Variants in SORBS2 observed in about 807,000 individuals in gnomAD.
SORBS2 encodes sorbin and SH3 domain containing 2.
In SORBS2, 46 loss-of-function variants were observed where a neutral mutation model predicts 97.7. That is an observed-to-expected ratio of 0.47 (90% confidence interval 0.37 to 0.60). SORBS2 has a LOEUF of 0.60. Among genes scored for constraint, SORBS2 ranks in the 20% least tolerant of loss-of-function variants. The pLI, the probability that SORBS2 is intolerant of heterozygous loss-of-function variation, is 0.00. For synonymous variants in SORBS2, 476 were observed against 473.4 expected, an observed-to-expected ratio of 1.01 and a Z score of -0.07; for missense variants, 1,316 against 1,282.3, an observed-to-expected ratio of 1.03 and a Z score of -0.40.
intron 2 of SORBS2, among the ~76,000 whole-genome samples, chr4:185,762,339 C>T (rs979039759): frequency 6.6e-6 from 1 of 152,068 alleles, no homozygotes; most frequent in African/African-American, 2.4e-5. Context: ...GGAATGTTCA[C>T]CAGCTTCTTG....
At position 185,623,892 on chromosome 4, in the gene SORBS2, GTGTGGGCAC is replaced by G. The variant is rs1561484020; in HGVS notation, c.1228_1236del (p.Val410_Thr412del). The G allele has an allele frequency of 7.4e-6, 12 of 1,614,164 alleles. No individual in the cohort carries two copies. Among genetic ancestry groups the G allele is most frequent in the Non-Finnish European group, 1.0e-5 (12 of 1,180,044 alleles). On this transcript the variant is annotated inframe_deletion, in exon 7 of 15. Transcript: ENST00000418609. This position sits in a 1 kb window ranked among gnomAD's most constrained non-coding sequence, Gnocchi z 6.4. ...ATCAGCTTTTCGAATTCGGAGATGC[GTGTGGGCAC>G]CATGTCCCGGGGCACCTCCTCCGTG...
rs775457907 is a variant in SORBS2, at chr4:185,614,984, C to A, written c.2467-25G>T. 3.1e-6 allele frequency: 5 copies of A among 1,614,118 alleles called. No homozygotes were observed. The Admixed American group carries it at 5.0e-5, about 16-fold the overall frequency. On this transcript the variant is annotated intron_variant, in intron 10 of 14. Coordinates refer to ENST00000418609, the Ensembl canonical transcript of SORBS2. ...TCTATGAAGGAAATAGTCATTTATT[C>A]TCAAATCTGCGGTGACCTTTGAAAC...
chr4:185,830,367 G>A (rs993630807), intron 1 of SORBS2, among the ~76,000 whole-genome samples: 2 of 152,220 alleles, frequency 1.3e-5, no homozygotes, highest in Non-Finnish European at 2.9e-5. Flanking sequence ...ACACATAGGT[G>A]CTGTGAGGTG....
Position 185,723,139 on chromosome 4 carries a change from T to TA in SORBS2, c.-197-44318dup, listed in dbSNP as rs111928879. On this transcript the variant is annotated intron_variant, in intron 2 of 20. Coordinates refer to the SORBS2 transcript ENST00000284776. ...AAAATTGTAATAAATCAATAACCAT[T>TA]AAAAAAAAATAAAATAAAATAAATC... is the stretch of plus-strand genomic sequence containing the variant. 3.8e-3 allele frequency among the ~76,000 whole-genome samples: 572 copies of TA among 150,204 alleles called. 1 individual carries two copies. Among genetic ancestry groups the TA allele is most frequent in the Non-Finnish European group, 4.7e-3 (320 of 67,474 alleles).
chr4:185,785,193 G>T (rs144989234), intron 1 of SORBS2, among the ~76,000 whole-genome samples: 32 of 146,514 alleles, frequency 2.2e-4, no homozygotes, highest in African/African-American at 7.5e-4. Context: ...GTTATTCAAG[G>T]CCATAAGGTA....
intron 2 of SORBS2, chr4:185,770,863 TTGAAA>T (rs2098966009): frequency 6.6e-6 from 1 of 152,162 alleles, no homozygotes; most frequent in Non-Finnish European, 1.5e-5. Context: ...TGAAGTCTTC[TTGAAA>T]TAAGATTTTT....
intron 4 of SORBS2, 94 bp downstream of exon 7, chr4:185,678,329 G>A (rs556189129): frequency 2.4e-5 from 25 of 1,031,284 alleles, no homozygotes; most frequent in Non-Finnish European, 3.1e-5. Flanking sequence ...AAAATAAAAC[G>A]TATTGAAATA....
intron 2 of SORBS2, among the ~76,000 whole-genome samples, chr4:185,739,812 A>C (rs1384009852): frequency 2.6e-5 from 4 of 152,204 alleles, no homozygotes; most frequent in African/African-American, 7.2e-5. Flanking sequence ...TCAAAGATTA[A>C]TGATACACTA....
rs1362739433 is a variant in SORBS2 at position 185,684,016 on chromosome 4, AACCAACCAACCC to A, written c.-197-5206_-197-5195del. The stretch of plus-strand genomic sequence containing the variant: ...ACTGCAGCTAACCAACCAGCCAACC[AACCAACCAACCC>A]ACCAACCAACCCATCACCAACAGGT... On this transcript the variant is annotated intron_variant, in intron 2 of 20. Transcript: ENST00000284776. This position sits in a 1 kb window ranked among gnomAD's most constrained non-coding sequence, Gnocchi z 4.2. Among the ~76,000 whole-genome samples, 2 of 151,996 alleles carry A rather than the reference AACCAACCAACCC, an allele frequency of 1.3e-5. No homozygotes were observed. Among genetic ancestry groups the A allele is most frequent in the South Asian group, 2.1e-4 (1 of 4,808 alleles).
rs2096427981 is a variant in SORBS2 at position 185,606,654 on chromosome 4, G to A, written c.2796+5126C>T. On this transcript the variant is annotated intron_variant, in intron 12 of 14. Transcript: ENST00000418609. The surrounding 1 kb of genome is among the most constrained non-coding windows in gnomAD (Gnocchi z 4.3). ...TAGGATCTGTGGGGGTGGCTATGGG[G>A]TGTTTTAGGCAGTTGGGTTTCTCCT... The A allele has an allele frequency of 1.0e-6, 1 of 985,160 alleles. No individual in the cohort carries two copies. The highest frequency in any genetic ancestry group is 4.7e-5 in the South Asian group (1 of 21,278). The allele number at this position is 985,160 out of a possible 1,614,324, so 61.0% of individuals were successfully genotyped here.
At chr4:185,673,110 G>A (rs568172121) in intron 4 of SORBS2, among the ~76,000 whole-genome samples, 1 of 152,326 alleles carries the variant, frequency 6.6e-6, no homozygotes, top group East Asian at 1.9e-4. Flanking sequence ...GTGAAGGCCT[G>A]TCTCAGAAGG....
chr4:185,919,758 T>C (rs2099260109), intron 1 of SORBS2, among the ~76,000 whole-genome samples: 1 of 152,242 alleles, frequency 6.6e-6, no homozygotes, highest in African/African-American at 2.4e-5. Flanking sequence ...TCACCGTTTA[T>C]CAGTAATCTC....
intron 1 of SORBS2, among the ~76,000 whole-genome samples, chr4:185,950,050 G>A (rs541131228): frequency 4.6e-5 from 7 of 152,220 alleles, no homozygotes; most frequent in South Asian, 4.2e-4. Context: ...TCAGGAGTTC[G>A]AAACCAGCCT....
chr4:185,714,685 T>G (rs182067488), intron 2 of SORBS2, among the ~76,000 whole-genome samples: 5 of 152,202 alleles, frequency 3.3e-5, no homozygotes, highest in Non-Finnish European at 7.3e-5. Context: ...AGCAAAGTCA[T>G]GTCTTCCATG....
intron 1 of SORBS2, among the ~76,000 whole-genome samples, chr4:185,828,915 G>T (rs896280039): frequency 6.6e-6 from 1 of 152,158 alleles, no homozygotes; most frequent in African/African-American, 2.4e-5. Context: ...TCCAAGTGTG[G>T]CTGGAATCTG....
intron 1 of SORBS2, among the ~76,000 whole-genome samples, chr4:185,849,290 C>T (rs2099216424): frequency 6.6e-6 from 1 of 152,156 alleles, no homozygotes; most frequent in South Asian, 2.1e-4. Flanking sequence ...AGAGCTTCCC[C>T]AAACCCACTG....
intron 2 of SORBS2, among the ~76,000 whole-genome samples, chr4:185,752,393 A>G (rs922342505): frequency 6.6e-6 from 1 of 152,130 alleles, no homozygotes; most frequent in Non-Finnish European, 1.5e-5. Flanking sequence ...CTCCTGCCTC[A>G]GCCTCCCGAG....
chr4:185,615,155 A>G (rs2096608287), exon 10 of SORBS2: 2 of 1,585,482 alleles, frequency 1.3e-6, no homozygotes, highest in Non-Finnish European at 1.7e-6. Context: ...TTAAATGACA[A>G]CTCCCTGGAA....
intron 2 of SORBS2, among the ~76,000 whole-genome samples, chr4:185,759,611 A>G (rs11723083): frequency 0.47 from 65,216 of 138,562 alleles, 14,509 homozygotes; most frequent in South Asian, 0.54. Flanking sequence ...TAGGAATTGA[A>G]AGGGTTTTTT....
Sources: allele counts gnomAD v4.1 joint callset (sites outside exome capture counted in the v4.1 genomes callset), GRCh38; gene constraint gnomAD v4.1.1; non-coding constraint Gnocchi (gnomAD v3.1); transcripts MANE v1.5; gene names NCBI Gene and HGNC (gene_info 2026-07-23, HGNC 2026-07-21).